Variants in ZNF263 observed in about 807,000 individuals in gnomAD.
ZNF263 encodes zinc finger protein FPM315.
In ZNF263, 49 loss-of-function variants were observed where a neutral mutation model predicts 63.1. The observed-to-expected ratio is 0.78, with a 90% CI of 0.62 to 0.99. The LOEUF (loss-of-function observed/expected upper bound fraction) is 0.99, where lower values mean the gene tolerates loss of function less well. Among genes scored for constraint, ZNF263 ranks in the 50% least tolerant of loss-of-function variants. ZNF263 has a pLI of 0.00. For synonymous variants in ZNF263, 352 were observed against 324.2 expected (o/e 1.09, Z -0.92); for missense variants, 872 against 854.8 (o/e 1.02, Z -0.25).
At chr16:3,295,417 G>GCGGTGTATGGTGGCTC (rs1364428503), downstream of ZNF263, among the ~76,000 whole-genome samples, 37 of 152,336 alleles carry the variant, frequency 2.4e-4, no homozygotes, top group African/African-American at 3.1e-4. Flanking sequence ...TCCCGCCCGG[G>GCGGTGTATGGTGGCTC]CGGTGTATGG....
At chr16:3,292,235 G>C (rs934458354), downstream of ZNF263, among the ~76,000 whole-genome samples, 2 of 152,206 alleles carry the variant, frequency 1.3e-5, no homozygotes, top group Admixed American at 1.3e-4. Context: ...TTTGGGAACA[G>C]GCTGATGGAT....
At position 3,290,066 on chromosome 16, in the gene ZNF263, T is replaced by G. The variant is rs1959549517; in HGVS notation, c.1560T>G (p.Cys520Trp). 1 of 1,613,914 alleles carries G rather than the reference T, an allele frequency of 6.2e-7. No individual in the cohort carries two copies. The highest frequency in any genetic ancestry group is 1.1e-5 in the South Asian group (1 of 91,070). ...RIHTGERPYK[C>W]PECGKSFSRS... ...ACACTGGAGAGCGACCTTATAAGTG[T>G]CCCGAGTGTGGGAAAAGTTTCTCTC... is the stretch of plus-strand genomic sequence containing the variant. Residue 520 changes from cysteine to tryptophan, a missense_variant, in exon 6 of 6, where the codon TGT (cysteine) becomes TGG (tryptophan). Coordinates refer to ENST00000219069, the MANE Select transcript of ZNF263 (RefSeq NM_005741.5).
intron 2 of ZNF263, chr16:3,300,471 ATTTT>A: frequency 6.2e-7 from 1 of 1,613,230 alleles, no homozygotes; most frequent in Non-Finnish European, 8.5e-7. Context: ...TTAACTTCTT[ATTTT>A]TTTTAATGTC....
intron 4 of ZNF263, chr16:3,286,363 G>A (rs1959358746): frequency 3.6e-6 from 2 of 562,866 alleles, no homozygotes; most frequent in Admixed American, 4.2e-5. Context: ...AGCTGCCAGA[G>A]CCTAAGGCGA....
chr16:3,289,810 A>C lies in ZNF263; in HGVS notation c.1304A>C (p.Lys435Thr). ...HRAHLGEEAH[K>T]CLECGKCFSQ... is the part of the protein sequence containing the mutation. ...GCACACCTGGGAGAGGAGGCCCACA[A>C]GTGCCTTGAATGTGGGAAATGCTTC... Residue 435 changes from lysine (K) to threonine (T), a missense_variant, in exon 6 of 6, where the codon AAG (lysine) becomes ACG (threonine). Transcript: ENST00000219069. The C allele has an allele frequency of 6.2e-7, 1 of 1,614,224 alleles. No homozygotes were observed. The highest frequency in any genetic ancestry group is 8.5e-7 in the Non-Finnish European group (1 of 1,180,036).
exon 2 of ZNF263, chr16:3,299,116 A>T: frequency 6.8e-7 from 1 of 1,459,894 alleles, no homozygotes; most frequent in Non-Finnish European, 9.0e-7. Flanking sequence ...TGTGAAGTGG[A>T]ATCTCTGAAA....
At chr16:3,286,349 T>A in intron 4 of ZNF263, 200 bp downstream of exon 4, 1 of 651,822 alleles carries the variant, frequency 1.5e-6, no homozygotes, top group Non-Finnish European at 2.3e-6. Flanking sequence ...GGGACTGGAG[T>A]CCCAGCTGCC....
At chr16:3,292,701 C>T (rs1388392516), downstream of ZNF263, among the ~76,000 whole-genome samples, 2 of 152,216 alleles carry the variant, frequency 1.3e-5, no homozygotes, top group African/African-American at 2.4e-5. Flanking sequence ...TGGTGCTGCT[C>T]ATACTTGGAA....
downstream of ZNF263, among the ~76,000 whole-genome samples, chr16:3,292,719 G>T (rs1000184372): frequency 6.6e-6 from 1 of 152,210 alleles, no homozygotes; most frequent in Admixed American, 6.5e-5. Flanking sequence ...GAACACTGCA[G>T]CTTGAAGCTG....
chr16:3,285,655 CTCATTA>C lies in ZNF263; in HGVS notation c.569-24_569-19del. On this transcript the variant is annotated intron_variant, in intron 2 of 5. Transcript: ENST00000219069. Reference sequence around the variant, plus strand: ...GTTGCCAAGAGTTAGGAATGCCATTCTCATTATAATTTCTGTCACCTTCAGCATTAT... The same window carrying C: ...GTTGCCAAGAGTTAGGAATGCCATTCTAATTTCTGTCACCTTCAGCATTAT... 1.2e-6 allele frequency: 2 copies of C among 1,610,444 alleles called. No homozygotes were observed. Among genetic ancestry groups the C allele is most frequent in the Non-Finnish European group, 1.7e-6 (2 of 1,176,718 alleles).
At chr16:3,300,252 A>G in intron 2 of ZNF263, 1 of 1,614,256 alleles carries the variant, frequency 6.2e-7, no homozygotes, top group Non-Finnish European at 8.5e-7. Flanking sequence ...AACCAGTGCT[A>G]GCTTTGAAAT....
chr16:3,299,750 C>T (rs778279760), intron 2 of ZNF263: 18 of 1,545,390 alleles, frequency 1.2e-5, no homozygotes, highest in South Asian at 7.7e-5. Flanking sequence ...AATGCCCTGA[C>T]GTCCTCGTCA....
rs780904654 is a variant in ZNF263, at chr16:3,289,463, G to C, written c.957G>C (p.Leu319=). 6.5e-7 allele frequency: 1 copy of C among 1,532,088 alleles called. No homozygotes were observed. The highest frequency in any genetic ancestry group is 8.7e-7 in the Non-Finnish European group (1 of 1,142,982). 94.9% of individuals were successfully genotyped at this position (1,532,088 alleles called of 1,614,324 possible). ...CTGAGAACATCCACCCTCAGGTGCT[G>C]CTTCCTGACCAGGCCCGAGGGGAGG... ...VCSENIHPQV[L]LPDQARGEVP... The change falls in exon 6 of 6, where the codon CTG becomes CTC. Residue 319 remains leucine, a synonymous_variant. Transcript: ENST00000219069.
downstream of ZNF263, among the ~76,000 whole-genome samples, chr16:3,296,356 T>C (rs116937969): frequency 5.8e-4 from 88 of 152,262 alleles, 1 homozygote; most frequent in East Asian, 0.016. Context: ...TAAAAGGAAC[T>C]AGAGAGCTGC....
chr16:3,290,033 G>C lies in ZNF263; in HGVS notation c.1527G>C (p.Gln509His). Reference protein sequence around the residue: ...FAHSSNLLRHQRIHTGERPYK... With the variant: ...FAHSSNLLRHHRIHTGERPYK... ...ACAGTTCCAACCTCCTTCGGCACCA[G>C]AGAATTCACACTGGAGAGCGACCTT... The change falls in exon 6 of 6, where the codon CAG (glutamine) becomes CAC (histidine). Residue 509 changes from glutamine to histidine, a missense_variant. Gln to His is a conservative substitution (Grantham distance 24, BLOSUM62 0). Coordinates refer to ENST00000219069, the MANE Select transcript of ZNF263 (RefSeq NM_005741.5). 6.2e-7 allele frequency: 1 copy of C among 1,614,184 alleles called. No homozygotes were observed.
At chr16:3,297,198 G>A (rs1959771217) in intron 1 of ZNF263, among the ~76,000 whole-genome samples, 1 of 151,118 alleles carries the variant, frequency 6.6e-6, no homozygotes, top group Admixed American at 6.6e-5. Flanking sequence ...TCAGGAGGCT[G>A]AGGCAGAATT....
intron 5 of ZNF263, among the ~76,000 whole-genome samples, chr16:3,288,854 T>C (rs1959487938): frequency 6.6e-6 from 1 of 151,972 alleles, no homozygotes; most frequent in Admixed American, 6.6e-5. Flanking sequence ...TCCATATTGG[T>C]CAGGCTGGTC....
chr16:3,291,034 T>C lies in ZNF263; in HGVS notation c.*476T>C. ...AGCTGAAGGTCAACAAAAGACTGGT[T>C]GTGAGTTGCAGCTGTCCCGAAGGCC... On this transcript the variant is annotated 3_prime_UTR_variant, in exon 6 of 6. Transcript: ENST00000219069. The C allele has an allele frequency of 1.0e-6, 1 of 995,998 alleles. No homozygotes were observed. Among genetic ancestry groups the C allele is most frequent in the Non-Finnish European group, 1.2e-6 (1 of 834,978 alleles). 61.7% of individuals were successfully genotyped at this position (995,998 alleles called of 1,614,324 possible). A position where few individuals can be genotyped will look rare whatever the true frequency, so the allele number is the denominator to read the frequency against.
At chr16:3,300,925 C>T (rs2150780054) in exon 3 of ZNF263, 1 of 256,748 alleles carries the variant, frequency 3.9e-6, no homozygotes, top group Middle Eastern at 1.4e-3. Context: ...ACAACAGCCT[C>T]AGTCAGGAAT....
Sources: allele counts gnomAD v4.1 joint callset (sites outside exome capture counted in the v4.1 genomes callset), GRCh38; gene constraint gnomAD v4.1.1; transcripts MANE v1.5; gene names NCBI Gene and HGNC (gene_info 2026-07-23, HGNC 2026-07-21).